PPP2R1A: variants seen among roughly 807,000 people sequenced by gnomAD.
The protein encoded by PPP2R1A is protein phosphatase 2 scaffold subunit Aalpha.
In PPP2R1A, 15 loss-of-function variants were observed where a neutral mutation model predicts 67.1. That is an observed-to-expected ratio of 0.22 (90% CI 0.15 to 0.34). The LOEUF is 0.34. Ranked by LOEUF, PPP2R1A falls within the 10% of genes least tolerant of loss-of-function variation. PPP2R1A has a pLI of 1.00. For synonymous variants in PPP2R1A, 337 were observed against 325.0 expected (o/e 1.04, Z -0.40); for missense variants, 369 against 775.0 (o/e 0.48, Z 6.22).
rs565600242 is a variant in PPP2R1A, at chr19:52,196,062, G to A, written c.79-5882G>A. Among the ~76,000 whole-genome samples the A allele has an allele frequency of 3.9e-5, 6 of 152,238 alleles. 1 individual carries two copies. In the South Asian group the frequency reaches 8.3e-4, roughly 21 times the overall value. ...CAGTCAACATTAGCATACAAAAAGC[G>A]CCTTGGAGATTCCAAAGATTTGAGG... On this transcript the variant is annotated intron_variant, in intron 1 of 14. Transcript: ENST00000322088.
chr19:52,211,199 G>A lies in PPP2R1A; in HGVS notation c.271-61G>A. ...GAGCCCATGATGGGGTGCAGGATGG[G>A]GCTCCAGGGCTGCGGATGGTGGAGA... is the stretch of plus-strand genomic sequence containing the variant. On this transcript the variant is annotated intron_variant, in intron 3 of 14. Transcript: ENST00000322088. The surrounding 1 kb of genome is among the most constrained non-coding windows in gnomAD (Gnocchi z 5.3). The A allele has an allele frequency of 2.0e-6, 3 of 1,515,850 alleles. No homozygotes were observed. The highest frequency in any genetic ancestry group is 1.8e-6 in the Non-Finnish European group (2 of 1,109,698). The allele number at this position is 1,515,850 out of a possible 1,614,324, so 93.9% of individuals were successfully genotyped here. A position where few individuals can be genotyped will look rare whatever the true frequency, so the allele number is the denominator to read the frequency against.
At chr19:52,205,212 A>G (rs1307458318) in intron 2 of PPP2R1A, among the ~76,000 whole-genome samples, 3 of 152,236 alleles carry the variant, frequency 2.0e-5, no homozygotes, top group East Asian at 3.8e-4. Context: ...TGTGCTGTGC[A>G]GAGATCAGCA....
intron 1 of PPP2R1A, among the ~76,000 whole-genome samples, chr19:52,199,164 AT>A (rs2089523754): frequency 6.7e-6 from 1 of 150,244 alleles, no homozygotes; most frequent in African/African-American, 2.5e-5. Context: ...ATGTTATTTT[AT>A]TTTATTTATT....
chr19:52,211,667 C>T lies in PPP2R1A; in HGVS notation c.503+175C>T. On this transcript the variant is annotated intron_variant, in intron 4 of 14. Transcript: ENST00000322088. The surrounding 1 kb of genome is among the most constrained non-coding windows in gnomAD (Gnocchi z 5.3). ...TCGAGAGTTGGTCTCTGGACACGGC[C>T]ACGTGTCAGTTTACCCACCTCTGCC... is the stretch of plus-strand genomic sequence containing the variant. 3 of 659,010 alleles carry T rather than the reference C, an allele frequency of 4.6e-6. No homozygotes were observed. Among genetic ancestry groups the T allele is most frequent in the South Asian group, 3.9e-5 (2 of 50,704 alleles). 40.8% of individuals were successfully genotyped at this position (659,010 alleles called of 1,614,324 possible). A position where few individuals can be genotyped will look rare whatever the true frequency, so the allele number is the denominator to read the frequency against.
In PPP2R1A at chr19:52,212,378, C is replaced by T. The variant is rs1343915608; in HGVS notation, c.504-308C>T. On this transcript the variant is annotated intron_variant, in intron 4 of 14. Transcript: ENST00000322088. The surrounding 1 kb of genome is among the most constrained non-coding windows in gnomAD (Gnocchi z 4.1). ...CAGATTACAGGTATGAGCCACTGTGCCTGGCTCGTTGGTTAAGCAATTTTT... is the reference window on the plus strand; with the variant it reads ...CAGATTACAGGTATGAGCCACTGTGTCTGGCTCGTTGGTTAAGCAATTTTT... 5.4e-6 allele frequency: 2 copies of T among 370,620 alleles called. No individual in the cohort carries two copies. The highest frequency in any genetic ancestry group is 2.1e-5 in the African/African-American group (1 of 46,642). 23.0% of individuals were successfully genotyped at this position (370,620 alleles called of 1,614,324 possible).
Position 52,206,081 on chromosome 19 carries a change from A to G in PPP2R1A, c.270+18A>G. The G allele has an allele frequency of 6.2e-7, 1 of 1,606,214 alleles. No individual in the cohort carries two copies. The highest frequency in any genetic ancestry group is 8.5e-7 in the Non-Finnish European group (1 of 1,173,104). On this transcript the variant is annotated intron_variant, in intron 3 of 14. Transcript: ENST00000322088. ...GCCTGCTGGTGAGTGGAAGGCAGGA[A>G]GTCCTCTTGCCCACCCCTTAGGGTC...
At chr19:52,221,738 A>G (rs1978946336) in intron 12 of PPP2R1A, among the ~76,000 whole-genome samples, 1 of 152,182 alleles carries the variant, frequency 6.6e-6, no homozygotes, top group Non-Finnish European at 1.5e-5. Flanking sequence ...CTACTTATTT[A>G]TGTGTAAACC....
chr19:52,199,543 A>G (rs894354265), intron 1 of PPP2R1A, among the ~76,000 whole-genome samples: 2 of 152,216 alleles, frequency 1.3e-5, no homozygotes, highest in African/African-American at 2.4e-5. Context: ...TCAGCAGACT[A>G]CAGTCCATGG....
rs139061094 is a variant in PPP2R1A at position 52,217,312 on chromosome 19, C to T, written c.1128+649C>T. 7.4e-3 allele frequency among the ~76,000 whole-genome samples: 1,130 copies of T among 152,368 alleles called. 12 individuals are homozygous for T. Among genetic ancestry groups the T allele is most frequent in the African/African-American group, 0.025 (1,053 of 41,584 alleles). ...CTTCCAGGCTCAAGTGATCCTCCCA[C>T]CTTAGCCTCCCAAGTAGCTGGGACT... On this transcript the variant is annotated intron_variant, in intron 9 of 14. Transcript: ENST00000322088.
In PPP2R1A at chr19:52,227,879, CAA is replaced by C. The variant is rs547896733; in HGVS notation, c.*1899_*1900del. On this transcript the variant is annotated 3_prime_UTR_variant, in exon 15 of 15. Transcript: ENST00000322088. Reference sequence around the variant, plus strand: ...GGTTAACGCTGCTGGTCCATTGTAACAAGAGTGCAGTGGACCAGCAGCCTTTG... The same window carrying C: ...GGTTAACGCTGCTGGTCCATTGTAACGAGTGCAGTGGACCAGCAGCCTTTG... 1.6e-3 allele frequency: 238 copies of C among 152,264 alleles called. 3 individuals carry two copies. The highest frequency in any genetic ancestry group is 5.2e-3 in the African/African-American group (216 of 41,540). 9.4% of individuals were successfully genotyped at this position (152,264 alleles called of 1,614,324 possible). A position where few individuals can be genotyped will look rare whatever the true frequency, so the allele number is the denominator to read the frequency against.
intron 9 of PPP2R1A, among the ~76,000 whole-genome samples, chr19:52,217,800 T>TA (rs1024061812): frequency 6.6e-6 from 1 of 152,046 alleles, no homozygotes; most frequent in African/African-American, 2.4e-5. Flanking sequence ...TTGCCTGTAT[T>TA]ACAAAGGATG....
chr19:52,196,142 A>AGT (rs1392255472), intron 1 of PPP2R1A, among the ~76,000 whole-genome samples: 3 of 152,150 alleles, frequency 2.0e-5, no homozygotes, highest in Non-Finnish European at 4.4e-5. Flanking sequence ...ACAGTATCAC[A>AGT]ACTGTAGCAG....
rs1324277167 is a variant in PPP2R1A, at chr19:52,212,066, G to A, written c.503+574G>A. ...AAAGCCTTTCTGTGGCTCTAGACCT[G>A]CCTCTTAGTTAAGCAGTTTTTTGTT... On this transcript the variant is annotated intron_variant, in intron 4 of 14. Transcript: ENST00000322088. This position sits in a 1 kb window ranked among gnomAD's most constrained non-coding sequence, Gnocchi z 4.1. Among the ~76,000 whole-genome samples the A allele has an allele frequency of 6.6e-6, 1 of 152,192 alleles. No individual in the cohort carries two copies. The highest frequency in any genetic ancestry group is 1.5e-5 in the Non-Finnish European group (1 of 68,046).
In PPP2R1A at chr19:52,221,101, C is replaced by T. The variant is rs1452209613; in HGVS notation, c.1486C>T (p.Leu496=). The T allele has an allele frequency of 6.2e-7, 1 of 1,614,158 alleles. No individual in the cohort carries two copies. The highest frequency in any genetic ancestry group is 1.3e-5 in the African/African-American group (1 of 74,954). Residue 496 remains leucine (L), a synonymous_variant, in exon 12 of 15, where the codon CTG becomes TTG. Coordinates refer to ENST00000322088, the MANE Select transcript of PPP2R1A (RefSeq NM_014225.6). ...VLAMSGDPNY[L]HRMTTLFCIN... ...GGCCATGTCCGGAGACCCCAACTAC[C>T]TGCACCGCATGACTACGCTCTTCTG... is the stretch of plus-strand genomic sequence containing the variant.
chr19:52,202,542 C>T (rs2089560646), intron 2 of PPP2R1A, among the ~76,000 whole-genome samples: 1 of 152,206 alleles, frequency 6.6e-6, no homozygotes, highest in South Asian at 2.1e-4. Flanking sequence ...CAGTTGATCT[C>T]ACAGCAGTGC....
At position 52,213,215 on chromosome 19, in the gene PPP2R1A, G is replaced by A. The variant is rs2089690359; in HGVS notation, c.807+105G>A. 2 of 1,361,302 alleles carry A rather than the reference G, an allele frequency of 1.5e-6. No individual in the cohort carries two copies. Among genetic ancestry groups the A allele is most frequent in the African/African-American group, 2.9e-5 (2 of 68,172 alleles). 84.3% of individuals were successfully genotyped at this position (1,361,302 alleles called of 1,614,324 possible). ...TTCCATTAGGCCGATGGAACCATTGGGCGTTTGAGCAATAAGATCTCTATG... is the reference window on the plus strand; with the variant it reads ...TTCCATTAGGCCGATGGAACCATTGAGCGTTTGAGCAATAAGATCTCTATG... On this transcript the variant is annotated intron_variant, in intron 6 of 14. Transcript: ENST00000322088. This position sits in a 1 kb window ranked among gnomAD's most constrained non-coding sequence, Gnocchi z 4.2.
chr19:52,212,381 G>C lies in PPP2R1A; in HGVS notation c.504-305G>C, dbSNP rs1406712189. On this transcript the variant is annotated intron_variant, in intron 4 of 14. Transcript: ENST00000322088. The surrounding 1 kb of genome is among the most constrained non-coding windows in gnomAD (Gnocchi z 4.1). ...ATTACAGGTATGAGCCACTGTGCCT[G>C]GCTCGTTGGTTAAGCAATTTTTATG... 1 of 377,200 alleles carries C rather than the reference G, an allele frequency of 2.7e-6. No homozygotes were observed. The highest frequency in any genetic ancestry group is 4.9e-6 in the Non-Finnish European group (1 of 204,960). The allele number at this position is 377,200 out of a possible 1,614,324, so 23.4% of individuals were successfully genotyped here.
rs1978635582 is a variant in PPP2R1A, at chr19:52,217,283, C to G, written c.1128+620C>G. ...ATGTGATCATGGTCTACTGCAGCCTCCACCTTCCAGGCTCAAGTGATCCTC... is the reference window on the plus strand; with the variant it reads ...ATGTGATCATGGTCTACTGCAGCCTGCACCTTCCAGGCTCAAGTGATCCTC... On this transcript the variant is annotated intron_variant, in intron 9 of 14. Coordinates refer to ENST00000322088, the MANE Select transcript of PPP2R1A (RefSeq NM_014225.6). 3.9e-5 allele frequency among the ~76,000 whole-genome samples: 6 copies of G among 152,362 alleles called. No individual in the cohort carries two copies. In the South Asian group the frequency reaches 1.2e-3, roughly 32 times the overall value.
At chr19:52,193,580 G>GTTTTA (rs1185325789) in intron 1 of PPP2R1A, among the ~76,000 whole-genome samples, 1 of 152,010 alleles carries the variant, frequency 6.6e-6, no homozygotes, top group South Asian at 2.1e-4. Flanking sequence ...TAACACTTTG[G>GTTTTA]TTTTATTTTA....
Sources: allele counts gnomAD v4.1 joint callset (sites outside exome capture counted in the v4.1 genomes callset), GRCh38; gene constraint gnomAD v4.1.1; non-coding constraint Gnocchi (gnomAD v3.1); transcripts MANE v1.5; gene names NCBI Gene and HGNC (gene_info 2026-07-23, HGNC 2026-07-21).